Variants in CHD6 observed in about 807,000 individuals in gnomAD.
CHD6 encodes the protein ATP-dependent chromatin remodeler CHD6.
A neutral mutation model predicts 276.9 loss-of-function variants in CHD6; 50 were observed. That is an observed-to-expected ratio of 0.18 (90% confidence interval 0.14 to 0.23). The LOEUF (loss-of-function observed/expected upper bound fraction) is 0.23. Ranked by LOEUF, CHD6 falls within the 10% of genes least tolerant of loss-of-function variation. The probability of loss-of-function intolerance (pLI) is 1.00; values close to 1 mark genes in which losing one functional copy is unlikely to be tolerated. For missense variants in CHD6, 2,564 were observed against 3,365.8 expected (o/e 0.76, Z 5.89); for synonymous variants, 1,173 against 1,229.3 (o/e 0.95, Z 0.96).
intron 1 of CHD6, among the ~76,000 whole-genome samples, chr20:41,606,866 C>T (rs2045835246): frequency 1.3e-5 from 2 of 152,130 alleles, no homozygotes; most frequent in Non-Finnish European, 2.9e-5. Context: ...AGCCTGGGTA[C>T]TGGTATTTTT....
At chr20:41,612,614 T>G (rs1356467488) in intron 1 of CHD6, among the ~76,000 whole-genome samples, 1 of 152,222 alleles carries the variant, frequency 6.6e-6, no homozygotes, top group Non-Finnish European at 1.5e-5. Context: ...GTCTCTGTGT[T>G]AAATTATGTA....
intron 1 of CHD6, among the ~76,000 whole-genome samples, chr20:41,593,206 G>A (rs934351327): frequency 1.3e-5 from 2 of 151,024 alleles, no homozygotes; most frequent in African/African-American, 2.4e-5. Context: ...TCAAAAAGGG[G>A]GGGGGGGGTT....
At chr20:41,544,947 C>T (rs2146123036) in intron 2 of CHD6, among the ~76,000 whole-genome samples, 1 of 152,022 alleles carries the variant, frequency 6.6e-6, no homozygotes, top group Non-Finnish European at 1.5e-5. Context: ...CCTCTGAGGT[C>T]GAGTTCAAAC....
At chr20:41,544,720 A>G (rs1486926821) in intron 2 of CHD6, among the ~76,000 whole-genome samples, 4 of 150,504 alleles carry the variant, frequency 2.7e-5, no homozygotes, top group Non-Finnish European at 5.9e-5. Context: ...AATATTACAC[A>G]GTAATATGAT....
intron 1 of CHD6, among the ~76,000 whole-genome samples, chr20:41,569,099 A>G (rs754884827): frequency 7.9e-5 from 12 of 152,208 alleles, no homozygotes; most frequent in Non-Finnish European, 1.6e-4. Context: ...GAGGTGACCA[A>G]GAGGTATGGA....
intron 35 of CHD6, 121 bp from the exon 36 acceptor site, chr20:41,412,384 GC>G: frequency 8.5e-7 from 1 of 1,180,052 alleles, no homozygotes; most frequent in Admixed American, 2.0e-5. Context: ...ACAGGAGCTG[GC>G]CAGGTTAAAC....
intron 2 of CHD6, among the ~76,000 whole-genome samples, chr20:41,544,721 G>A (rs957741504): frequency 6.7e-6 from 1 of 149,706 alleles, no homozygotes; most frequent in Non-Finnish European, 1.5e-5. Flanking sequence ...ATATTACACA[G>A]TAATATGATT....
At chr20:41,476,668 AG>A (rs2043174410) in intron 16 of CHD6, among the ~76,000 whole-genome samples, 1 of 152,194 alleles carries the variant, frequency 6.6e-6, no homozygotes, top group Non-Finnish European at 1.5e-5. Context: ...ATACCTACAG[AG>A]GTTCTAGCAC....
At chr20:41,498,611 A>G (rs1218113583) in intron 6 of CHD6, among the ~76,000 whole-genome samples, 1 of 152,074 alleles carries the variant, frequency 6.6e-6, no homozygotes, top group Non-Finnish European at 1.5e-5. Context: ...CCAAGTAAGG[A>G]AGTTTACTTT....
chr20:41,421,767 G>A lies in CHD6; in HGVS notation c.4868C>T (p.Thr1623Ile), dbSNP rs775235269. The A allele has an allele frequency of 6.2e-6, 10 of 1,614,088 alleles. No homozygotes were observed. The highest frequency in any genetic ancestry group is 5.0e-5 in the Admixed American group (3 of 60,006). The change falls in exon 31 of 37, where the codon ACC (threonine) becomes ATC (isoleucine). Residue 1623 changes from threonine to isoleucine, a missense_variant. This residue lies in a region of CHD6 where 1,024 missense variants were observed against 1,047.9 expected (regional missense o/e 0.98). Transcript: ENST00000373233. ...RNYAQHKRSG[T>I]QAPGNLCCLY... ...GCAACAGAGATTTCCTGGTGCCTGG[G>A]TGCCAGATCTTTTATGCTGGGCATA...
chr20:41,509,505 T>G (rs2044062787), intron 5 of CHD6, among the ~76,000 whole-genome samples: 1 of 152,074 alleles, frequency 6.6e-6, no homozygotes, highest in African/African-American at 2.4e-5. Flanking sequence ...CAAGGAACTT[T>G]CGGGAGGAGG....
At chr20:41,593,348 T>C (rs184025150) in intron 1 of CHD6, among the ~76,000 whole-genome samples, 23 of 152,318 alleles carry the variant, frequency 1.5e-4, no homozygotes, top group African/African-American at 5.5e-4. Context: ...AGTCTCTATT[T>C]TCAGCATTAA....
intron 1 of CHD6, chr20:41,564,252 T>C (rs1298879189): frequency 1.2e-5 from 7 of 576,490 alleles, no homozygotes; most frequent in Non-Finnish European, 2.2e-5. Flanking sequence ...GATGACATTT[T>C]CTCTTCCCGT....
chr20:41,424,359 C>T (rs2047294167), intron 29 of CHD6, among the ~76,000 whole-genome samples: 2 of 152,278 alleles, frequency 1.3e-5, no homozygotes, highest in Admixed American at 6.5e-5. Context: ...CCACCATAGC[C>T]ATTATGAGGG....
chr20:41,604,647 T>C (rs375478112), intron 1 of CHD6, among the ~76,000 whole-genome samples: 2 of 152,140 alleles, frequency 1.3e-5, no homozygotes, highest in Admixed American at 1.3e-4. Context: ...TCAGGAAGAT[T>C]TGAACAAACA....
intron 14 of CHD6, among the ~76,000 whole-genome samples, chr20:41,486,419 GAGA>G: frequency 6.6e-6 from 1 of 152,312 alleles, no homozygotes; most frequent in East Asian, 1.9e-4. Flanking sequence ...CAAAAACGGA[GAGA>G]AGGTTAGAGC....
chr20:41,507,441 G>C (rs4812519), intron 5 of CHD6, among the ~76,000 whole-genome samples: 48,651 of 151,412 alleles, frequency 0.32, 8,762 homozygotes, highest in East Asian at 0.52. Context: ...TCATGTTAAA[G>C]AATCAGTAGT....
intron 5 of CHD6, among the ~76,000 whole-genome samples, chr20:41,507,334 T>C (rs888432308): frequency 1.4e-4 from 21 of 151,768 alleles, no homozygotes; most frequent in African/African-American, 4.8e-4. Context: ...GTTTAAACAC[T>C]CTTCATCATA....
At chr20:41,502,434 T>C (rs1473912962) in intron 5 of CHD6, among the ~76,000 whole-genome samples, 2 of 152,238 alleles carry the variant, frequency 1.3e-5, no homozygotes, top group East Asian at 1.9e-4. Flanking sequence ...AAGTGCTCAA[T>C]AGGCACATGT....
Sources: allele counts gnomAD v4.1 joint callset (sites outside exome capture counted in the v4.1 genomes callset), GRCh38; gene constraint gnomAD v4.1.1; regional missense constraint gnomAD v4.1.1; transcripts MANE v1.5; gene names NCBI Gene and HGNC (gene_info 2026-07-23, HGNC 2026-07-21).